The following PRELID2 variants were observed in gnomAD, a reference collection of about 807,000 sequenced individuals.
PRELID2 encodes PRELI domain-containing protein 2.
A neutral mutation model predicts 28.4 loss-of-function variants in PRELID2; 25 were observed. The ratio of observed to expected loss-of-function variants is 0.88; its 90% confidence interval spans 0.64 to 1.23. The LOEUF (loss-of-function observed/expected upper bound fraction) is 1.23. Ranked by LOEUF, PRELID2 falls within the 50% of genes most tolerant of loss-of-function variation. The probability of loss-of-function intolerance (pLI) is 0.00; values close to 1 mark genes in which losing one functional copy is unlikely to be tolerated. For synonymous variants in PRELID2, 76 were observed against 71.6 expected (o/e 1.06, Z -0.31); for missense variants, 201 against 214.4 (o/e 0.94, Z 0.39).
intron 1 of PRELID2, among the ~76,000 whole-genome samples, chr5:145,515,243 G>A (rs898012265): frequency 2.0e-5 from 3 of 151,532 alleles, no homozygotes; most frequent in Non-Finnish European, 3.0e-5. Context: ...GACTAAAATA[G>A]ACCACTAGCT....
the PRELID2 span, among the ~76,000 whole-genome samples, chr5:145,306,890 T>C: frequency 6.6e-6 from 1 of 152,226 alleles, no homozygotes; most frequent in African/African-American, 2.4e-5. Context: ...ATATAAATAA[T>C]GTAGCTTGAT....
chr5:145,756,781 C>A lies in PRELID2; in HGVS notation c.*3755G>T, dbSNP rs187403255. 7.9e-5 allele frequency among the ~76,000 whole-genome samples: 12 copies of A among 152,246 alleles called. No homozygotes were observed. Among genetic ancestry groups the A allele is most frequent in the Admixed American group, 7.9e-4 (12 of 15,282 alleles). ...CTACTCTTATTCAACATATAGTATG[C>A]AGTTACACAATTTCCCAACCCCAGG... On this transcript the variant is annotated 3_prime_UTR_variant, in exon 7 of 7. Coordinates refer to ENST00000683046, the MANE Select transcript of PRELID2 (RefSeq NM_205846.3).
intron 1 of PRELID2, among the ~76,000 whole-genome samples, chr5:145,605,576 G>A (rs1470769434): frequency 3.3e-5 from 5 of 151,984 alleles, no homozygotes; most frequent in Non-Finnish European, 5.9e-5. Context: ...GTTTCTGTAG[G>A]CTTGTAGTTT....
chr5:145,367,092 T>C, the PRELID2 span, among the ~76,000 whole-genome samples: 1 of 151,868 alleles, frequency 6.6e-6, no homozygotes, highest in Non-Finnish European at 1.5e-5. Flanking sequence ...TTCCTCTAGA[T>C]GTTTCCTCTG....
the PRELID2 span, among the ~76,000 whole-genome samples, chr5:145,307,526 T>C: frequency 6.6e-6 from 1 of 152,158 alleles, no homozygotes; most frequent in Non-Finnish European, 1.5e-5. Flanking sequence ...CCCTGGGAAA[T>C]AGAGTATAAT....
At chr5:145,826,325 G>C (rs987137226) in intron 1 of PRELID2, 3 of 283,886 alleles carry the variant, frequency 1.1e-5, no homozygotes, top group African/African-American at 6.9e-5. Context: ...TGAAAGCAAT[G>C]TGATCTGAAG....
the PRELID2 span, among the ~76,000 whole-genome samples, chr5:145,235,492 G>T: frequency 6.6e-6 from 1 of 152,154 alleles, no homozygotes; most frequent in East Asian, 1.9e-4. Context: ...AGAGAATTGG[G>T]TGCTTTCCTT....
the PRELID2 span, among the ~76,000 whole-genome samples, chr5:145,334,136 C>T: frequency 1.6e-3 from 247 of 152,224 alleles, 5 homozygotes; most frequent in East Asian, 0.04. Flanking sequence ...AGAAGAGCTG[C>T]GTACCTCAGC....
At chr5:145,728,144 C>G (rs1654240) in intron 1 of PRELID2, among the ~76,000 whole-genome samples, 27,954 of 151,966 alleles carry the variant, frequency 0.18, 2,956 homozygotes, top group African/African-American at 0.29. Flanking sequence ...ACCAGTACCT[C>G]TCTAGAGCAC....
intron 1 of PRELID2, among the ~76,000 whole-genome samples, chr5:145,484,734 A>G (rs771611910): frequency 2.5e-4 from 38 of 152,250 alleles, no homozygotes; most frequent in Non-Finnish European, 5.1e-4. Flanking sequence ...AATTAACTTA[A>G]AAGTTAAGAA....
intron 1 of PRELID2, among the ~76,000 whole-genome samples, chr5:145,481,242 C>T (rs1423511672): frequency 6.6e-6 from 1 of 152,018 alleles, no homozygotes; most frequent in African/African-American, 2.4e-5. Context: ...GCTGCATTAC[C>T]TTTGGTTTAT....
At chr5:145,407,988 TC>T in the PRELID2 span, among the ~76,000 whole-genome samples, 3 of 151,938 alleles carry the variant, frequency 2.0e-5, no homozygotes, top group Non-Finnish European at 4.4e-5. Context: ...CTGTAGACAT[TC>T]CCCAGCACCA....
chr5:145,385,780 G>T, the PRELID2 span, among the ~76,000 whole-genome samples: 3 of 152,026 alleles, frequency 2.0e-5, no homozygotes, highest in African/African-American at 7.3e-5. Context: ...AAATGACATT[G>T]CATCCTTCAA....
chr5:145,308,935 C>T, the PRELID2 span, among the ~76,000 whole-genome samples: 1 of 152,162 alleles, frequency 6.6e-6, no homozygotes, highest in Non-Finnish European at 1.5e-5. Flanking sequence ...CTTGGCCTCA[C>T]TCCATCCTCG....
At chr5:145,648,255 A>C (rs1419517139) in intron 1 of PRELID2, among the ~76,000 whole-genome samples, 2 of 152,206 alleles carry the variant, frequency 1.3e-5, no homozygotes, top group Non-Finnish European at 2.9e-5. Flanking sequence ...ACATGAATAC[A>C]TCCCTAAATA....
the PRELID2 span, among the ~76,000 whole-genome samples, chr5:145,313,387 C>A: frequency 1.3e-5 from 2 of 152,178 alleles, no homozygotes; most frequent in African/African-American, 4.8e-5. Context: ...GAGGAAAGGG[C>A]TCTTCTCATT....
chr5:145,655,965 A>G (rs1313508866), intron 1 of PRELID2, among the ~76,000 whole-genome samples: 1 of 152,218 alleles, frequency 6.6e-6, no homozygotes, highest in African/African-American at 2.4e-5. Context: ...TGAACAGGCA[A>G]CCTACAGAAT....
the PRELID2 span, among the ~76,000 whole-genome samples, chr5:145,242,473 C>G: frequency 1.3e-5 from 2 of 152,100 alleles, no homozygotes; most frequent in East Asian, 3.9e-4. Context: ...TACTGTAATT[C>G]AGAGATATTA....
the PRELID2 span, among the ~76,000 whole-genome samples, chr5:145,251,428 C>T: frequency 3.3e-5 from 5 of 152,214 alleles, no homozygotes; most frequent in Admixed American, 2.0e-4. Flanking sequence ...TCTGTAACTG[C>T]GCTCCATGAG....
Sources: gnomAD v4.1 joint callset for allele counts (sites outside exome capture counted in the v4.1 genomes callset) on GRCh38, gnomAD v4.1.1 for gene constraint, MANE v1.5 for transcripts, NCBI Gene and HGNC (gene_info 2026-07-23, HGNC 2026-07-21) for gene names.